The following CNTNAP2 variants were observed in gnomAD, a reference collection of about 807,000 sequenced individuals.
CNTNAP2 encodes the protein contactin-associated protein-like 2.
In CNTNAP2, 98 loss-of-function variants were observed where a neutral mutation model predicts 155.2. That is an observed-to-expected ratio of 0.63 (90% confidence interval 0.54 to 0.75). CNTNAP2 has a LOEUF of 0.75. Among genes scored for constraint, CNTNAP2 ranks in the 30% least tolerant of loss-of-function variants. The probability of loss-of-function intolerance (pLI) is 0.00; values close to 1 mark genes in which losing one functional copy is unlikely to be tolerated. For missense variants in CNTNAP2, 1,727 were observed against 1,688.1 expected, an observed-to-expected ratio of 1.02 and a Z score of -0.40; for synonymous variants, 651 against 631.2, an observed-to-expected ratio of 1.03 and a Z score of -0.47.
chr7:148,367,834 T>A (rs942245972), intron 21 of CNTNAP2, among the ~76,000 whole-genome samples: 13 of 152,078 alleles, frequency 8.5e-5, no homozygotes, highest in Non-Finnish European at 1.9e-4. Flanking sequence ...TGTATTTTCT[T>A]CGAGGTGCCA....
intron 1 of CNTNAP2, among the ~76,000 whole-genome samples, chr7:146,548,679 T>C (rs1478171040): frequency 1.3e-5 from 2 of 151,850 alleles, no homozygotes; most frequent in African/African-American, 2.4e-5. Flanking sequence ...TTTTTGTTGA[T>C]GTTATTATAA....
chr7:147,672,680 T>A (rs574755295), intron 13 of CNTNAP2: 5 of 152,326 alleles, frequency 3.3e-5, no homozygotes, highest in Non-Finnish European at 7.3e-5. Context: ...TCTTCAGACT[T>A]CAAAACATTA....
At chr7:147,919,796 A>T (rs1372726663) in intron 14 of CNTNAP2, among the ~76,000 whole-genome samples, 1 of 151,188 alleles carries the variant, frequency 6.6e-6, no homozygotes, top group Non-Finnish European at 1.5e-5. Flanking sequence ...CGCGTTGCTC[A>T]GGCCAGTCTG....
chr7:146,736,441 G>C (rs74698051), intron 1 of CNTNAP2, among the ~76,000 whole-genome samples: 51 of 152,262 alleles, frequency 3.3e-4, no homozygotes, highest in African/African-American at 1.1e-3. Flanking sequence ...ATTTCCTTGT[G>C]CTAAGTGTTT....
chr7:146,496,510 A>G (rs938736473), intron 1 of CNTNAP2, among the ~76,000 whole-genome samples: 6 of 152,202 alleles, frequency 3.9e-5, no homozygotes, highest in African/African-American at 1.4e-4. Context: ...AACTAGAATA[A>G]AATAGCACAA....
intron 11 of CNTNAP2, among the ~76,000 whole-genome samples, chr7:147,551,950 C>T (rs1408962770): frequency 3.3e-5 from 5 of 151,996 alleles, no homozygotes; most frequent in Admixed American, 3.3e-4. Flanking sequence ...GAAATATGCA[C>T]CATAAACTAT....
intron 11 of CNTNAP2, among the ~76,000 whole-genome samples, chr7:147,508,402 C>T (rs1379249410): frequency 6.6e-6 from 1 of 152,170 alleles, no homozygotes; most frequent in East Asian, 1.9e-4. Context: ...TCTTCCATCT[C>T]TGGAATGCCA....
chr7:146,132,805 T>G (rs1156763111), intron 1 of CNTNAP2, among the ~76,000 whole-genome samples: 1 of 150,070 alleles, frequency 6.7e-6, no homozygotes, highest in Non-Finnish European at 1.5e-5. Context: ...CTTAATCCAG[T>G]CTATCGTTGT....
At chr7:146,149,247 AGATT>A (rs1245988634) in intron 1 of CNTNAP2, among the ~76,000 whole-genome samples, 1 of 152,166 alleles carries the variant, frequency 6.6e-6, no homozygotes, top group African/African-American at 2.4e-5. Flanking sequence ...AACAGTTATA[AGATT>A]GACAATATGA....
chr7:147,255,539 C>T (rs1360438181), intron 8 of CNTNAP2, among the ~76,000 whole-genome samples: 7 of 151,736 alleles, frequency 4.6e-5, no homozygotes, highest in Non-Finnish European at 8.8e-5. Flanking sequence ...ATATGTTGTA[C>T]GCATTGGGTA....
intron 21 of CNTNAP2, among the ~76,000 whole-genome samples, chr7:148,278,462 C>T (rs537453821): frequency 3.3e-5 from 5 of 150,900 alleles, no homozygotes; most frequent in East Asian, 2.0e-4. Context: ...CCCAGCTACT[C>T]GGGAGGCTGA....
chr7:146,901,978 C>G (rs975016009), intron 3 of CNTNAP2, among the ~76,000 whole-genome samples: 5 of 151,142 alleles, frequency 3.3e-5, no homozygotes, highest in Admixed American at 2.0e-4. Context: ...CGGGTTCACG[C>G]CATTCTCCTG....
At chr7:146,799,726 C>CCTAAGTATTAGG (rs1364760977) in intron 2 of CNTNAP2, among the ~76,000 whole-genome samples, 8 of 152,164 alleles carry the variant, frequency 5.3e-5, no homozygotes, top group Admixed American at 4.6e-4. Flanking sequence ...TAGCCTAATA[C>CCTAAGTATTAGG]CTAAGTCTGA....
chr7:147,736,283 CTTAG>C (rs1414431617), intron 13 of CNTNAP2, among the ~76,000 whole-genome samples: 2 of 152,016 alleles, frequency 1.3e-5, no homozygotes, highest in African/African-American at 2.4e-5. Flanking sequence ...ACTTATGAAG[CTTAG>C]TTTGTCTGGA....
chr7:146,441,095 A>T (rs893345563), intron 1 of CNTNAP2, among the ~76,000 whole-genome samples: 2 of 151,516 alleles, frequency 1.3e-5, no homozygotes, highest in African/African-American at 4.9e-5. Context: ...TTTTGGAGAG[A>T]TGAACGAGGT....
chr7:147,947,207 G>C (rs977704377), intron 14 of CNTNAP2, among the ~76,000 whole-genome samples: 4 of 152,108 alleles, frequency 2.6e-5, no homozygotes, highest in African/African-American at 9.7e-5. Context: ...GTGCAGTGGA[G>C]ACTCCCAGTG....
intron 3 of CNTNAP2, among the ~76,000 whole-genome samples, chr7:146,849,613 G>A (rs1197682957): frequency 6.6e-6 from 1 of 152,064 alleles, no homozygotes; most frequent in African/African-American, 2.4e-5. Flanking sequence ...GTTGCCTTAG[G>A]TGTAAAAGCG....
At chr7:146,913,131 C>T (rs1021262360) in intron 3 of CNTNAP2, among the ~76,000 whole-genome samples, 3 of 152,048 alleles carry the variant, frequency 2.0e-5, no homozygotes, top group African/African-American at 4.8e-5. Context: ...GCCTGAACCT[C>T]GAAAGTTAAT....
At chr7:146,993,430 G>A (rs916020930) in intron 3 of CNTNAP2, among the ~76,000 whole-genome samples, 2 of 152,148 alleles carry the variant, frequency 1.3e-5, no homozygotes, top group Admixed American at 1.3e-4. Context: ...GCTTCTTAAA[G>A]CTCATGCTTG....
Sources: gnomAD v4.1 joint callset for allele counts (sites outside exome capture counted in the v4.1 genomes callset) on GRCh38, gnomAD v4.1.1 for gene constraint, MANE v1.5 for transcripts, NCBI Gene and HGNC (gene_info 2026-07-23, HGNC 2026-07-21) for gene names.